Variants in SLC5A8 observed in about 807,000 individuals in gnomAD.
SLC5A8 encodes solute carrier family 5 member 8, also known as sodium-coupled monocarboxylate transporter 1.
SLC5A8 carries 55 observed loss-of-function variants against 71.9 expected under a neutral mutation model. That is an observed-to-expected ratio of 0.77 (90% CI 0.62 to 0.96). SLC5A8 has a LOEUF of 0.96. Ranked by LOEUF, SLC5A8 falls within the 40% of genes least tolerant of loss-of-function variation. The pLI, the probability that SLC5A8 is intolerant of heterozygous loss-of-function variation, is 0.00. For synonymous variants in SLC5A8, 307 were observed against 276.1 expected, an observed-to-expected ratio of 1.11 and a Z score of -1.11; for missense variants, 701 against 745.3, an observed-to-expected ratio of 0.94 and a Z score of 0.69.
At chr12:101,158,598 C>CTCTCTCTATATA (rs1411795424) in intron 13 of SLC5A8, among the ~76,000 whole-genome samples, 20 of 21,196 alleles carry the variant, frequency 9.4e-4, no homozygotes, top group Non-Finnish European at 1.5e-3. Flanking sequence ...CTCTCTCTCT[C>CTCTCTCTATATA]TATATATATA....
At position 101,184,161 on chromosome 12, in the gene SLC5A8, A is replaced by G; in HGVS notation, c.1025T>C (p.Val342Ala). ...QDYPGLPGLF[V>A]ACAYSGTLST... ...TAATGTCCCACTGTAAGCACAGGCC[A>G]CAAAAAGTCCAGGAAGTCCTGGATA... Residue 342 changes from valine (V) to alanine (A), a missense_variant, in exon 8 of 15, where the codon GTG becomes GCG. Val to Ala is a moderately conservative substitution (Grantham distance 64). Coordinates refer to ENST00000536262, the MANE Select transcript of SLC5A8 (RefSeq NM_145913.5). 1 of 1,614,194 alleles carries G rather than the reference A, an allele frequency of 6.2e-7. No homozygotes were observed. The highest frequency in any genetic ancestry group is 8.5e-7 in the Non-Finnish European group (1 of 1,180,020).
intron 5 of SLC5A8, among the ~76,000 whole-genome samples, chr12:101,193,242 G>T (rs1008343087): frequency 7.9e-5 from 12 of 152,112 alleles, no homozygotes; most frequent in Non-Finnish European, 1.8e-4. Flanking sequence ...CAAAGTGCTG[G>T]GATTACAGGT....
chr12:101,171,168 G>T (rs920665926), intron 10 of SLC5A8, among the ~76,000 whole-genome samples: 2 of 152,136 alleles, frequency 1.3e-5, no homozygotes, highest in African/African-American at 2.4e-5. Flanking sequence ...GTTACCAGGT[G>T]TTTTGTTCAC....
intron 10 of SLC5A8, among the ~76,000 whole-genome samples, chr12:101,177,580 T>C (rs73391433): frequency 0.028 from 4,315 of 151,808 alleles, 137 homozygotes; most frequent in African/African-American, 0.067. Context: ...CAGCAATATA[T>C]AAAAATAACT....
chr12:101,199,359 A>C (rs1394219331), intron 3 of SLC5A8: 2 of 152,012 alleles, frequency 1.3e-5, no homozygotes, highest in Non-Finnish European at 2.9e-5. Context: ...TTTAGTATAC[A>C]TGCTGCCAAA....
rs975908492 is a variant in SLC5A8, at chr12:101,165,237, T to C, written c.1526+1257A>G. 3.3e-5 allele frequency among the ~76,000 whole-genome samples: 5 copies of C among 152,216 alleles called. No homozygotes were observed. The East Asian group carries it at 9.6e-4, about 29-fold the overall frequency. On this transcript the variant is annotated intron_variant, in intron 12 of 14. Transcript: ENST00000536262. ...AGTAAACTAACATATAAAACTATTA[T>C]GGTACCAGGCATAGAATAAACTTCA...
intron 10 of SLC5A8, among the ~76,000 whole-genome samples, chr12:101,174,402 C>T (rs1420592416): frequency 2.6e-5 from 4 of 152,168 alleles, no homozygotes; most frequent in Non-Finnish European, 5.9e-5. Context: ...CAGATACAGT[C>T]AGGGGGTCAG....
At position 101,187,375 on chromosome 12, in the gene SLC5A8, TG is replaced by T; in HGVS notation, c.963+10del. 1.2e-6 allele frequency: 2 copies of T among 1,608,312 alleles called. No homozygotes were observed. Among genetic ancestry groups the T allele is most frequent in the Non-Finnish European group, 1.7e-6 (2 of 1,177,916 alleles). On this transcript the variant is annotated intron_variant, in intron 7 of 14. Transcript: ENST00000536262. ...TATTAATACACCTGTAAGAAAGACA[TG>T]GTACTGAACCTGGTCTGGTGCAGAC...
intron 13 of SLC5A8, among the ~76,000 whole-genome samples, chr12:101,158,612 A>ATATATATG (rs1406155885): frequency 9.6e-6 from 1 of 103,790 alleles, no homozygotes; most frequent in Non-Finnish European, 1.9e-5. Context: ...ATATATATAT[A>ATATATATG]TATATATATA....
rs1456582474 is a variant in SLC5A8 at position 101,157,258 on chromosome 12, A to T, written c.*21T>A. ...TATAAAATTGAAACATCATTTAAGGATATCTAGTATCAGAGCAGCTTCACA... is the reference window on the plus strand; with the variant it reads ...TATAAAATTGAAACATCATTTAAGGTTATCTAGTATCAGAGCAGCTTCACA... On this transcript the variant is annotated 3_prime_UTR_variant, in exon 15 of 15. Coordinates refer to ENST00000536262, the MANE Select transcript of SLC5A8 (RefSeq NM_145913.5). The T allele has an allele frequency of 6.2e-6, 10 of 1,604,938 alleles. No individual in the cohort carries two copies. In the South Asian group the frequency reaches 1.1e-4, roughly 18 times the overall value.
At position 101,209,786 on chromosome 12, in the gene SLC5A8, C is replaced by T; in HGVS notation, c.63G>A (p.Met21Ile). The T allele has an allele frequency of 6.2e-7, 1 of 1,607,350 alleles. No individual in the cohort carries two copies. Among genetic ancestry groups the T allele is most frequent in the Non-Finnish European group, 8.5e-7 (1 of 1,176,638 alleles). The change falls in exon 1 of 15, where the codon ATG becomes ATA. Residue 21 changes from methionine to isoleucine, a missense_variant. Transcript: ENST00000536262. ...TGCCGATGGCGGCCGAGATGACCAG[C>T]ATGCCCGCGAACACCACGTAGTCCC... The part of the protein sequence containing the change: ...VVWDYVVFAG[M>I]LVISAAIGIY...
At chr12:101,162,382 C>T (rs777305028) in intron 12 of SLC5A8, among the ~76,000 whole-genome samples, 5 of 152,114 alleles carry the variant, frequency 3.3e-5, no homozygotes, top group Non-Finnish European at 7.3e-5. Flanking sequence ...CCCAGCAATC[C>T]CACTACTGGG....
At chr12:101,202,416 A>T (rs767775414) in intron 2 of SLC5A8, among the ~76,000 whole-genome samples, 4 of 152,212 alleles carry the variant, frequency 2.6e-5, no homozygotes, top group Non-Finnish European at 5.9e-5. Flanking sequence ...ATGACCGGTC[A>T]TAAGTTACAA....
intron 7 of SLC5A8, 149 bp from the exon 8 acceptor site, chr12:101,184,371 TTAAC>T: frequency 1.5e-6 from 1 of 663,978 alleles, no homozygotes; most frequent in Non-Finnish European, 2.6e-6. Flanking sequence ...ATTAAACTGT[TTAAC>T]TACTAACACT....
chr12:101,199,923 T>C (rs897451470), intron 3 of SLC5A8, among the ~76,000 whole-genome samples: 5 of 147,964 alleles, frequency 3.4e-5, no homozygotes, highest in Non-Finnish European at 4.5e-5. Context: ...TACTTCACTA[T>C]AGCCTAAAAC....
chr12:101,171,064 T>A (rs972672790), intron 10 of SLC5A8, among the ~76,000 whole-genome samples: 2 of 152,198 alleles, frequency 1.3e-5, no homozygotes, highest in African/African-American at 2.4e-5. Flanking sequence ...ACAGGTTAGA[T>A]GACTGACAGA....
intron 3 of SLC5A8, among the ~76,000 whole-genome samples, chr12:101,198,684 C>T (rs1869302899): frequency 1.3e-5 from 2 of 151,884 alleles, no homozygotes; most frequent in Admixed American, 1.3e-4. Context: ...CAGATGCCTT[C>T]AGGGTGATTT....
At chr12:101,167,989 A>G in intron 11 of SLC5A8, 107 bp downstream of exon 11, 1 of 1,039,598 alleles carries the variant, frequency 9.6e-7, no homozygotes, top group Non-Finnish European at 1.4e-6. Context: ...AGTCATCAAG[A>G]CAAGTAGCTA....
intron 2 of SLC5A8, 44 bp downstream of exon 2, chr12:101,204,456 A>G: frequency 6.6e-7 from 1 of 1,517,032 alleles, no homozygotes; most frequent in Non-Finnish European, 9.0e-7. Flanking sequence ...ATGGTTAAAA[A>G]CATTTTAGCT....
Sources: allele counts gnomAD v4.1 joint callset (sites outside exome capture counted in the v4.1 genomes callset), GRCh38; gene constraint gnomAD v4.1.1; transcripts MANE v1.5; gene names NCBI Gene and HGNC (gene_info 2026-07-23, HGNC 2026-07-21).